MGLL: variants seen among roughly 807,000 people sequenced by gnomAD.
MGLL encodes lysophospholipase homolog.
Under a neutral mutation model 29.1 loss-of-function variants are expected in MGLL, and 7 were observed. The ratio of observed to expected loss-of-function variants is 0.24; its 90% CI spans 0.14 to 0.45. The LOEUF (loss-of-function observed/expected upper bound fraction) is 0.45. Among genes scored for constraint, MGLL ranks in the 20% least tolerant of loss-of-function variants. The pLI is 0.99. For missense variants in MGLL, 356 were observed against 413.6 expected, an observed-to-expected ratio of 0.86 and a Z score of 1.21; for synonymous variants, 148 against 168.3, an observed-to-expected ratio of 0.88 and a Z score of 0.93.
intron 2 of MGLL, among the ~76,000 whole-genome samples, chr3:127,801,217 G>C (rs1012302061): frequency 2.0e-4 from 29 of 148,604 alleles, no homozygotes; most frequent in Non-Finnish European, 8.9e-5. Flanking sequence ...CAGGAGAATC[G>C]CTTGAACCCA....
rs565745960 is a variant in MGLL, at chr3:127,814,211, A to G, written c.155+7483T>C. ...GAGAGAGGCATGTTAGCAGATGGAC[A>G]CAAAGGTCAACTTGGGGCAGCTGCA... On this transcript the variant is annotated intron_variant, in intron 2 of 7. Coordinates refer to ENST00000265052, the MANE Select transcript of MGLL (RefSeq NM_007283.7). Among the ~76,000 whole-genome samples the G allele has an allele frequency of 2.0e-5, 3 of 152,312 alleles. No homozygotes were observed. The South Asian group carries it at 6.2e-4, about 32-fold the overall frequency.
At chr3:127,788,798 G>C (rs2077256652) in intron 2 of MGLL, among the ~76,000 whole-genome samples, 1 of 152,204 alleles carries the variant, frequency 6.6e-6, no homozygotes, top group Admixed American at 6.5e-5. Context: ...TTTGAGAAGA[G>C]ATCATGTTTT....
At chr3:127,781,649 C>T (rs2077127744) in intron 3 of MGLL, 140 bp downstream of exon 3, 4 of 829,942 alleles carry the variant, frequency 4.8e-6, no homozygotes, top group Non-Finnish European at 6.2e-6. Flanking sequence ...TGTTTGTTTG[C>T]ATAACTACAT....
intron 2 of MGLL, among the ~76,000 whole-genome samples, chr3:127,804,140 C>T (rs572384724): frequency 6.6e-6 from 1 of 152,148 alleles, no homozygotes. Flanking sequence ...ACAAAGGTGG[C>T]GTGTAAACAA....
intron 2 of MGLL, among the ~76,000 whole-genome samples, chr3:127,782,823 A>G (rs1346487828): frequency 6.6e-6 from 1 of 152,146 alleles, no homozygotes; most frequent in East Asian, 1.9e-4. Flanking sequence ...GCAACTCCAC[A>G]TGCAAGATTT....
intron 3 of MGLL, among the ~76,000 whole-genome samples, chr3:127,757,682 T>C (rs1002102251): frequency 3.9e-5 from 6 of 152,100 alleles, no homozygotes; most frequent in African/African-American, 1.4e-4. Flanking sequence ...CAAAGAACCT[T>C]GGGGACAATG....
intron 6 of MGLL, among the ~76,000 whole-genome samples, chr3:127,708,189 C>T (rs1336439521): frequency 1.3e-5 from 2 of 152,226 alleles, no homozygotes; most frequent in Non-Finnish European, 2.9e-5. Context: ...ACATTTTCCC[C>T]TCAGCGTTGC....
At chr3:127,693,730 C>T (rs782441) in intron 7 of MGLL, among the ~76,000 whole-genome samples, 40,941 of 152,132 alleles carry the variant, frequency 0.27, 6,226 homozygotes, top group African/African-American at 0.42. Context: ...TTTGCTCATC[C>T]CACCAGGATA....
chr3:127,763,803 AG>A (rs1005669851), intron 3 of MGLL, among the ~76,000 whole-genome samples: 5 of 151,522 alleles, frequency 3.3e-5, no homozygotes, highest in African/African-American at 1.2e-4. Flanking sequence ...TGTGTGGGGG[AG>A]GGGGAGGTAA....
chr3:127,807,766 T>A (rs1423288347), intron 2 of MGLL, among the ~76,000 whole-genome samples: 1 of 131,116 alleles, frequency 7.6e-6, no homozygotes, highest in African/African-American at 2.9e-5. Flanking sequence ...TTTTTTTTTT[T>A]TTTTTTTTTT....
chr3:127,699,259 TA>T (rs1180381035), intron 6 of MGLL, among the ~76,000 whole-genome samples: 1 of 152,190 alleles, frequency 6.6e-6, no homozygotes, highest in Non-Finnish European at 1.5e-5. Context: ...TGAAGTACAG[TA>T]AATACAGCTG....
intron 3 of MGLL, among the ~76,000 whole-genome samples, chr3:127,765,668 G>A (rs2076843029): frequency 6.6e-6 from 1 of 152,190 alleles, no homozygotes; most frequent in Admixed American, 6.5e-5. Context: ...TTCAACAGTG[G>A]GTAAACGAAC....
intron 3 of MGLL, among the ~76,000 whole-genome samples, chr3:127,728,626 C>T (rs114023838): frequency 0.024 from 3,626 of 152,272 alleles, 83 homozygotes; most frequent in Non-Finnish European, 0.037. Flanking sequence ...ACTCTCTCAT[C>T]GCAAAACACT....
At chr3:127,717,100 G>C (rs1287247665) in intron 5 of MGLL, among the ~76,000 whole-genome samples, 2 of 152,210 alleles carry the variant, frequency 1.3e-5, no homozygotes, top group African/African-American at 4.8e-5. Context: ...ACAGGACAGA[G>C]GTGAACTAAC....
At chr3:127,717,151 A>G (rs1180730856) in intron 5 of MGLL, among the ~76,000 whole-genome samples, 1 of 152,214 alleles carries the variant, frequency 6.6e-6, no homozygotes. Flanking sequence ...GGGCCAGTGC[A>G]TGGCTAAGTT....
In MGLL at chr3:127,793,818, T is replaced by C. The variant is rs562056923; in HGVS notation, c.156-11923A>G. Among the ~76,000 whole-genome samples, 3 of 152,248 alleles carry C rather than the reference T, an allele frequency of 2.0e-5. No homozygotes were observed. In the South Asian group the frequency reaches 6.2e-4, roughly 32 times the overall value. On this transcript the variant is annotated intron_variant, in intron 2 of 7. Transcript: ENST00000265052. ...CTCAGGTGACCCACCTGCCTTGGCC[T>C]CCCAAAGTGCTGGGATTACAGGCGT...
At chr3:127,821,565 A>T in intron 2 of MGLL, 129 bp downstream of exon 2, 1 of 1,007,420 alleles carries the variant, frequency 9.9e-7, no homozygotes, top group African/African-American at 1.6e-5. Context: ...TCAGCCTAAC[A>T]TTAAAACGGC....
chr3:127,741,746 G>A (rs2076344695), intron 3 of MGLL, among the ~76,000 whole-genome samples: 1 of 152,222 alleles, frequency 6.6e-6, no homozygotes, highest in South Asian at 2.1e-4. Flanking sequence ...GGCTGCTACA[G>A]GAAGATCGTG....
At chr3:127,768,894 C>T (rs1161085285) in intron 3 of MGLL, among the ~76,000 whole-genome samples, 1 of 152,246 alleles carries the variant, frequency 6.6e-6, no homozygotes, top group African/African-American at 2.4e-5. Context: ...GGAGAGTGTG[C>T]ACTTCCTGCA....
Sources: gnomAD v4.1 joint callset for allele counts (sites outside exome capture counted in the v4.1 genomes callset) on GRCh38, gnomAD v4.1.1 for gene constraint, MANE v1.5 for transcripts, NCBI Gene and HGNC (gene_info 2026-07-23, HGNC 2026-07-21) for gene names.